ADGB: variants seen among roughly 807,000 people sequenced by gnomAD.
ADGB encodes androglobin, also known as calpain-7-like protein.
In ADGB, 172 loss-of-function variants were observed where a neutral mutation model predicts 210.5. That is an observed-to-expected ratio of 0.82 (90% CI 0.72 to 0.93). ADGB has a LOEUF of 0.93. Among genes scored for constraint, ADGB ranks in the 40% least tolerant of loss-of-function variants. ADGB has a pLI of 0.00. For synonymous variants in ADGB, 658 were observed against 662.7 expected (o/e 0.99, Z 0.11); for missense variants, 2,025 against 1,964.8 (o/e 1.03, Z -0.58).
chr6:146,709,058 T>C (rs1283769982), intron 13 of ADGB, among the ~76,000 whole-genome samples: 1 of 152,182 alleles, frequency 6.6e-6, no homozygotes, highest in African/African-American at 2.4e-5. Context: ...AATTTCTGTT[T>C]AATTTATTAA....
chr6:146,698,994 C>T (rs1175614236), intron 12 of ADGB, among the ~76,000 whole-genome samples: 1 of 152,166 alleles, frequency 6.6e-6, no homozygotes, highest in Admixed American at 6.6e-5. Flanking sequence ...TTTAGTCACA[C>T]ACAGAGTTTT....
chr6:146,754,198 T>A (rs1230735137), intron 27 of ADGB, among the ~76,000 whole-genome samples: 3 of 151,348 alleles, frequency 2.0e-5, no homozygotes, highest in African/African-American at 4.8e-5. Context: ...AAGGATTTTT[T>A]AAATTTTTAA....
chr6:146,791,304 T>C (rs907097168), intron 33 of ADGB, among the ~76,000 whole-genome samples: 2 of 152,200 alleles, frequency 1.3e-5, no homozygotes, highest in African/African-American at 4.8e-5. Context: ...TTTCTTCTAG[T>C]AGTTTTATAC....
At position 146,700,984 on chromosome 6, in the gene ADGB, T is replaced by C; in HGVS notation, c.1621T>C (p.Ser541Pro). ...SLIKKGIPPGSDLPSVSETDE... is the reference protein window; with the variant it reads ...SLIKKGIPPGPDLPSVSETDE... ...AATTAAGAAAGGAATACCTCCAGGA[T>C]CTGATTTACCTTCCGTCAGTGAAAC... is the stretch of plus-strand genomic sequence containing the variant. Residue 541 changes from serine to proline, a missense_variant, in exon 13 of 36, where the codon TCT (serine) becomes CCT (proline). Transcript: ENST00000397944. 2 of 1,551,174 alleles carry C rather than the reference T, an allele frequency of 1.3e-6. No homozygotes were observed. The highest frequency in any genetic ancestry group is 1.7e-6 in the Non-Finnish European group (2 of 1,146,522).
At chr6:146,691,443 A>AATATATATATAAATATATATAT (rs1397599810) in intron 11 of ADGB, among the ~76,000 whole-genome samples, 153 bp downstream of exon 11, 2 of 21,258 alleles carry the variant, frequency 9.4e-5, no homozygotes, top group Non-Finnish European at 7.1e-5. Flanking sequence ...TATATATATA[A>AATATATATATAAATATATATAT]AAATATATAT....
rs868458730 is a variant in ADGB at position 146,700,951 on chromosome 6, C to A, written c.1588C>A (p.Arg530Ser). The A allele has an allele frequency of 1.3e-6, 2 of 1,549,316 alleles. No individual in the cohort carries two copies. The highest frequency in any genetic ancestry group is 2.4e-5 in the East Asian group (1 of 40,838). Residue 530 changes from arginine (R) to serine (S), a missense_variant, in exon 13 of 36, where the codon CGC (arginine) becomes AGC (serine). Transcript: ENST00000397944. ...FTIPTEMHFV[R>S]SLIKKGIPPG... Reference sequence around the variant, plus strand: ...TTGTTTTCCTTTTAGGCATTTTGTGCGCTCCTTAATTAAGAAAGGAATACC... The same window carrying A: ...TTGTTTTCCTTTTAGGCATTTTGTGAGCTCCTTAATTAAGAAAGGAATACC...
At chr6:146,638,754 T>C (rs1775465000) in intron 2 of ADGB, 1 of 148,732 alleles carries the variant, frequency 6.7e-6, no homozygotes, top group African/African-American at 2.5e-5. Flanking sequence ...TAAAGTATAA[T>C]AAAAAAAAAA....
intron 35 of ADGB, among the ~76,000 whole-genome samples, chr6:146,811,867 G>T (rs553431221): frequency 6.6e-6 from 1 of 151,918 alleles, no homozygotes; most frequent in South Asian, 2.1e-4. Context: ...GTAGAGACGG[G>T]GCTTCACCAT....
intron 30 of ADGB, among the ~76,000 whole-genome samples, chr6:146,782,421 G>A (rs1156712264): frequency 6.6e-6 from 1 of 152,102 alleles, no homozygotes; most frequent in Admixed American, 6.5e-5. Context: ...CACTATTCAT[G>A]GCACTTGGGT....
chr6:146,788,380 A>T lies in ADGB; in HGVS notation c.4316-9A>T. 2 of 1,550,624 alleles carry T rather than the reference A, an allele frequency of 1.3e-6. 1 individual carries two copies. The highest frequency in any genetic ancestry group is 1.7e-6 in the Non-Finnish European group (2 of 1,146,012). ...CAGCTTTTTCAGTAATGCACATGTC[A>T]TGTTGTAGTAGAAACAGCTGCACGT... is the stretch of plus-strand genomic sequence containing the variant. On this transcript the variant is annotated splice_polypyrimidine_tract_variant and intron_variant, in intron 32 of 35. Coordinates refer to ENST00000397944, the MANE Select transcript of ADGB (RefSeq NM_024694.4).
At chr6:146,730,000 G>A (rs1776956068) in intron 20 of ADGB, among the ~76,000 whole-genome samples, 1 of 152,154 alleles carries the variant, frequency 6.6e-6, no homozygotes. Flanking sequence ...CCCCTGCAGG[G>A]AGGGGTAGCA....
intron 35 of ADGB, among the ~76,000 whole-genome samples, chr6:146,810,175 G>A (rs1032593904): frequency 1.3e-5 from 2 of 152,156 alleles, no homozygotes; most frequent in African/African-American, 2.4e-5. Context: ...ATCCAAAGAC[G>A]ACACAGGAAT....
At chr6:146,674,904 AT>A (rs540071863) in intron 8 of ADGB, among the ~76,000 whole-genome samples, 25 of 152,278 alleles carry the variant, frequency 1.6e-4, no homozygotes, top group African/African-American at 5.8e-4. Context: ...ATTATGTATT[AT>A]TTTTAAGTCA....
At chr6:146,684,562 C>T (rs1776196910) in intron 9 of ADGB, among the ~76,000 whole-genome samples, 1 of 152,040 alleles carries the variant, frequency 6.6e-6, no homozygotes, top group Non-Finnish European at 1.5e-5. Context: ...CATAAACATT[C>T]ATTCTTTTTA....
Position 146,728,737 on chromosome 6 carries a change from T to G in ADGB, c.2516T>G (p.Phe839Cys). ...GATAAAGAACTAACTGCACAGCACT[T>G]CAGGGTAAGCTTGTTTGGGATACAA... ...FHDKELTAQHFRVFHLSLWRL... is the reference protein window; with the variant it reads ...FHDKELTAQHCRVFHLSLWRL... The change falls in exon 20 of 36, where the codon TTC becomes TGC. Residue 839 changes from phenylalanine (F) to cysteine (C), a missense_variant. Coordinates refer to ENST00000397944, the MANE Select transcript of ADGB (RefSeq NM_024694.4). The G allele has an allele frequency of 6.5e-7, 1 of 1,543,756 alleles. No individual in the cohort carries two copies. Among genetic ancestry groups the G allele is most frequent in the South Asian group, 1.2e-5 (1 of 83,012 alleles).
chr6:146,626,572 T>A (rs1333491953), intron 1 of ADGB, among the ~76,000 whole-genome samples: 1 of 152,010 alleles, frequency 6.6e-6, no homozygotes, highest in Non-Finnish European at 1.5e-5. Context: ...TTCTTTTCTT[T>A]CAGTTCTTTA....
At chr6:146,788,686 T>A (rs1048453518) in intron 33 of ADGB, 76 bp downstream of exon 33, 4 of 1,320,714 alleles carry the variant, frequency 3.0e-6, no homozygotes, top group East Asian at 2.5e-5. Context: ...AACTTAAACA[T>A]CAGTGACGGC....
intron 1 of ADGB, among the ~76,000 whole-genome samples, chr6:146,615,147 C>G (rs1437067688): frequency 6.6e-6 from 1 of 151,892 alleles, no homozygotes; most frequent in African/African-American, 2.4e-5. Flanking sequence ...ACCTCGTGAT[C>G]CCCCTGCCTT....
intron 29 of ADGB, among the ~76,000 whole-genome samples, chr6:146,781,417 C>G (rs1446642728): frequency 6.7e-6 from 1 of 148,788 alleles, no homozygotes; most frequent in African/African-American, 2.5e-5. Flanking sequence ...ACTCTCTTAA[C>G]CAATGGAACA....
Sources: gnomAD v4.1 joint callset for allele counts (sites outside exome capture counted in the v4.1 genomes callset) on GRCh38, gnomAD v4.1.1 for gene constraint, MANE v1.5 for transcripts, NCBI Gene and HGNC (gene_info 2026-07-23, HGNC 2026-07-21) for gene names.